Variants in ACBD3 observed in about 807,000 individuals in gnomAD.
ACBD3 encodes Golgi resident protein GCP60.
Under a neutral mutation model 66.9 loss-of-function variants are expected in ACBD3, and 30 were observed. The ratio of observed to expected loss-of-function variants is 0.45; its 90% confidence interval spans 0.34 to 0.61. The LOEUF (loss-of-function observed/expected upper bound fraction) is 0.61. ACBD3 is among the 20% of genes least tolerant of loss of function. ACBD3 has a pLI of 0.02. For missense variants in ACBD3, 544 were observed against 664.5 expected (o/e 0.82, Z 1.99); for synonymous variants, 278 against 259.8 (o/e 1.07, Z -0.68).
Position 226,144,881 on chromosome 1 carries a change from T to A in ACBD3, c.*1729A>T, listed in dbSNP as rs532517711. The A allele has an allele frequency of 2.0e-5, 3 of 152,750 alleles. No individual in the cohort carries two copies. In the South Asian group the frequency reaches 6.2e-4, roughly 32 times the overall value. 9.5% of individuals were successfully genotyped at this position (152,750 alleles called of 1,614,324 possible). A position where few individuals can be genotyped will look rare whatever the true frequency, so the allele number is the denominator to read the frequency against. ...AACAATGATATTTTTAGGAGATAAT[T>A]CATCTTAACATGTGCAAGGACAAAT... On this transcript the variant is annotated 3_prime_UTR_variant, in exon 8 of 8. Transcript: ENST00000366812.
intron 1 of ACBD3, among the ~76,000 whole-genome samples, chr1:226,176,949 C>T (rs1021841133): frequency 2.0e-5 from 3 of 152,112 alleles, no homozygotes; most frequent in African/African-American, 7.2e-5. Flanking sequence ...TTCGAAGAAA[C>T]ATGTCCAGCA....
chr1:226,181,840 G>A (rs1656176480), intron 1 of ACBD3, among the ~76,000 whole-genome samples: 1 of 152,128 alleles, frequency 6.6e-6, no homozygotes, highest in Admixed American at 6.5e-5. Context: ...CTCCATCCAA[G>A]AAGTATAAAG....
At chr1:226,172,297 CA>C (rs1053739951) in intron 1 of ACBD3, among the ~76,000 whole-genome samples, 22 of 152,074 alleles carry the variant, frequency 1.4e-4, no homozygotes, top group Non-Finnish European at 1.3e-4. Flanking sequence ...GCAAATCTCA[CA>C]AAAGAAATTG....
At chr1:226,185,568 C>T (rs927892332) in intron 1 of ACBD3, among the ~76,000 whole-genome samples, 5 of 148,396 alleles carry the variant, frequency 3.4e-5, no homozygotes, top group African/African-American at 9.9e-5. Flanking sequence ...TTCCCACTGA[C>T]AAAAATCATG....
At chr1:226,183,565 A>G (rs2102792526) in intron 1 of ACBD3, among the ~76,000 whole-genome samples, 1 of 152,326 alleles carries the variant, frequency 6.6e-6, no homozygotes, top group South Asian at 2.1e-4. Context: ...CAAGACTGAC[A>G]AAACACCATG....
intron 5 of ACBD3, among the ~76,000 whole-genome samples, chr1:226,155,527 A>G (rs1368543787): frequency 6.6e-6 from 1 of 152,206 alleles, no homozygotes; most frequent in African/African-American, 2.4e-5. Context: ...AAATCTTGAT[A>G]AACTTTAAAT....
intron 1 of ACBD3, among the ~76,000 whole-genome samples, chr1:226,174,457 A>G (rs1655972404): frequency 6.6e-6 from 1 of 152,200 alleles, no homozygotes; most frequent in Non-Finnish European, 1.5e-5. Flanking sequence ...AGGAATAAGG[A>G]AGCCAATTTA....
At chr1:226,184,169 G>GC (rs1358217037) in intron 1 of ACBD3, among the ~76,000 whole-genome samples, 1 of 152,088 alleles carries the variant, frequency 6.6e-6, no homozygotes, top group Admixed American at 6.6e-5. Context: ...CTCCAGCCTG[G>GC]GCGACAGAGT....
In ACBD3 at chr1:226,166,019, C is replaced by A; in HGVS notation, c.287-19G>T. The A allele has an allele frequency of 6.3e-7, 1 of 1,596,618 alleles. No homozygotes were observed. Among genetic ancestry groups the A allele is most frequent in the Non-Finnish European group, 8.5e-7 (1 of 1,174,930 alleles). On this transcript the variant is annotated intron_variant, in intron 1 of 7. Coordinates refer to ENST00000366812, the MANE Select transcript of ACBD3 (RefSeq NM_022735.4). The stretch of plus-strand genomic sequence containing the variant: ...TCTTTTTCTATAAGAAAAAGAAACA[C>A]AAAGAAAACAATTAGCACAGGCAAA...
intron 1 of ACBD3, among the ~76,000 whole-genome samples, chr1:226,172,176 ATACATTTTCAGTGCTAGTCCTGGTC>A (rs1273443131): frequency 1.7e-4 from 22 of 131,410 alleles, no homozygotes; most frequent in South Asian, 7.7e-4. Context: ...AAAAAGAGGA[ATACATTTTCAGTGCTAGTCCTGGTC>A]AGGCAAACAG....
At chr1:226,147,262 A>G (rs948107415) in intron 7 of ACBD3, among the ~76,000 whole-genome samples, 1 of 152,174 alleles carries the variant, frequency 6.6e-6, no homozygotes, top group African/African-American at 2.4e-5. Context: ...GCATGTGAGC[A>G]TTTATTAGTT....
At chr1:226,152,767 G>T in intron 6 of ACBD3, 148 bp from the exon 7 acceptor site, 1 of 749,364 alleles carries the variant, frequency 1.3e-6, no homozygotes, top group Non-Finnish European at 2.1e-6. Flanking sequence ...GAATAAAAAA[G>T]CCTCCCCATG....
intron 7 of ACBD3, among the ~76,000 whole-genome samples, chr1:226,151,379 C>T (rs764058616): frequency 6.6e-6 from 1 of 152,142 alleles, no homozygotes; most frequent in Non-Finnish European, 1.5e-5. Flanking sequence ...ATAAACAAAC[C>T]CTACATTCTA....
chr1:226,153,261 A>G (rs767868695), intron 6 of ACBD3, among the ~76,000 whole-genome samples: 1 of 152,220 alleles, frequency 6.6e-6, no homozygotes, highest in Non-Finnish European at 1.5e-5. Context: ...AGATGCTAGT[A>G]TAATCCCTTG....
chr1:226,173,791 C>G (rs536040399), intron 1 of ACBD3, among the ~76,000 whole-genome samples: 1 of 112,346 alleles, frequency 8.9e-6, no homozygotes, highest in East Asian at 2.9e-4. Context: ...GACAGAGTCT[C>G]ACTCTGTTGC....
chr1:226,148,813 C>T (rs562134499), intron 7 of ACBD3, among the ~76,000 whole-genome samples: 1 of 152,310 alleles, frequency 6.6e-6, no homozygotes, highest in East Asian at 1.9e-4. Context: ...ACAGTAGCTT[C>T]TAAGGCATAT....
At chr1:226,159,494 T>G (rs774075628) in intron 4 of ACBD3, 136 bp from the exon 5 acceptor site, 10 of 738,328 alleles carry the variant, frequency 1.4e-5, no homozygotes, top group Non-Finnish European at 2.1e-5. Context: ...CCAATTAGTA[T>G]GTGTTCTGGG....
At chr1:226,164,019 G>A (rs193030367) in intron 3 of ACBD3, among the ~76,000 whole-genome samples, 155 of 150,214 alleles carry the variant, frequency 1.0e-3, no homozygotes, top group Non-Finnish European at 1.7e-3. Flanking sequence ...CCAGCTACTC[G>A]GGAGGCTGAG....
intron 1 of ACBD3, among the ~76,000 whole-genome samples, chr1:226,178,845 A>T (rs143952452): frequency 6.6e-6 from 1 of 152,178 alleles, no homozygotes; most frequent in Non-Finnish European, 1.5e-5. Context: ...CTTCCTGGTG[A>T]TAAGAACTCA....
Sources: allele counts gnomAD v4.1 joint callset (sites outside exome capture counted in the v4.1 genomes callset), GRCh38; gene constraint gnomAD v4.1.1; transcripts MANE v1.5; gene names NCBI Gene and HGNC (gene_info 2026-07-23, HGNC 2026-07-21).